SRL: variants seen among roughly 807,000 people sequenced by gnomAD.
SRL encodes sarcalumenin.
A neutral mutation model predicts 39.5 loss-of-function variants in SRL; 23 were observed. The observed-to-expected ratio is 0.58, with a 90% CI of 0.42 to 0.82. The LOEUF is 0.82. SRL is among the 40% of genes least tolerant of loss of function. The pLI is 0.00. For missense variants in SRL, 592 were observed against 607.8 expected, an observed-to-expected ratio of 0.97 and a Z score of 0.27; for synonymous variants, 272 against 237.4, an observed-to-expected ratio of 1.15 and a Z score of -1.34.
At chr16:4,213,434 A>C (rs1285611483) in intron 1 of SRL, among the ~76,000 whole-genome samples, 2 of 40,710 alleles carry the variant, frequency 4.9e-5, no homozygotes, top group Admixed American at 3.0e-4. Context: ...TTTTTTTGAG[A>C]CAGGTCTTGC....
chr16:4,226,914 G>A (rs2052597132), intron 1 of SRL, among the ~76,000 whole-genome samples: 1 of 151,512 alleles, frequency 6.6e-6, no homozygotes, highest in Non-Finnish European at 1.5e-5. Flanking sequence ...ATGGATGAAT[G>A]GATGGATGGA....
chr16:4,237,956 G>A (rs1256923895), intron 1 of SRL, among the ~76,000 whole-genome samples: 2 of 152,114 alleles, frequency 1.3e-5, no homozygotes, highest in Non-Finnish European at 2.9e-5. Context: ...ATTCAGCTAC[G>A]TGCAAGGGAG....
chr16:4,231,735 G>C (rs955811238), intron 1 of SRL, among the ~76,000 whole-genome samples: 2 of 152,188 alleles, frequency 1.3e-5, no homozygotes, highest in Non-Finnish European at 2.9e-5. Flanking sequence ...GAGGCGTGTT[G>C]ATGGATTCCC....
intron 5 of SRL, among the ~76,000 whole-genome samples, chr16:4,195,160 G>A (rs2052119076): frequency 6.6e-6 from 1 of 152,154 alleles, no homozygotes; most frequent in Non-Finnish European, 1.5e-5. Flanking sequence ...CTCCCAGAGT[G>A]CTGGGATTAC....
chr16:4,212,017 C>T (rs758041291), intron 1 of SRL, among the ~76,000 whole-genome samples: 1 of 152,212 alleles, frequency 6.6e-6, no homozygotes, highest in East Asian at 1.9e-4. Context: ...GAGGGCCACA[C>T]AGTCCCAAGG....
At chr16:4,195,832 A>C (rs1256137445) in intron 4 of SRL, 46 bp from the exon 5 acceptor site, 1 of 1,509,842 alleles carries the variant, frequency 6.6e-7, no homozygotes. Context: ...ATCTCTGTGA[A>C]ACAGATCTAC....
intron 1 of SRL, among the ~76,000 whole-genome samples, chr16:4,225,073 T>A (rs1353909260): frequency 2.0e-5 from 3 of 152,126 alleles, no homozygotes; most frequent in Non-Finnish European, 4.4e-5. Flanking sequence ...AGATTAGTGG[T>A]TGCTGGGGGA....
chr16:4,205,902 C>T (rs1393868885), intron 1 of SRL, among the ~76,000 whole-genome samples: 1 of 151,158 alleles, frequency 6.6e-6, no homozygotes, highest in Non-Finnish European at 1.5e-5. Flanking sequence ...GCTATGACTG[C>T]ACGACTGCAG....
At chr16:4,236,023 C>T (rs562817593) in intron 1 of SRL, among the ~76,000 whole-genome samples, 19 of 151,846 alleles carry the variant, frequency 1.3e-4, no homozygotes, top group Non-Finnish European at 2.4e-4. Flanking sequence ...TGCAGTGAGC[C>T]TTGATCAACC....
In SRL at chr16:4,192,553, C is replaced by T. The variant is rs1468980094; in HGVS notation, c.1022G>A (p.Arg341His). Residue 341 changes from arginine to histidine, a missense_variant, in exon 6 of 6, where the codon CGC (arginine) becomes CAC (histidine). By Grantham distance (29) the Arg-to-His change is conservative. Transcript: ENST00000399609. This position sits in a 1 kb window ranked among gnomAD's most constrained non-coding sequence, Gnocchi z 4.0. ...GCGGTCAACCAGGAGGGCGTGGATG[C>T]GGACCCGGATGGCGTGCTGGCGGAT... ...AFIRQHAIRV[R>H]IHALLVDRYL... 13 of 1,614,068 alleles carry T rather than the reference C, an allele frequency of 8.1e-6. No individual in the cohort carries two copies. Among genetic ancestry groups the T allele is most frequent in the South Asian group, 4.4e-5 (4 of 91,088 alleles).
chr16:4,223,231 CAAAA>C (rs34513855), intron 1 of SRL, among the ~76,000 whole-genome samples: 1,674 of 96,156 alleles, frequency 0.017, 33 homozygotes, highest in African/African-American at 0.053. Context: ...AACTCTGTCT[CAAAA>C]AAAAAAAAAA....
intron 1 of SRL, among the ~76,000 whole-genome samples, chr16:4,219,571 C>T (rs2052498043): frequency 6.6e-6 from 1 of 152,204 alleles, no homozygotes; most frequent in Non-Finnish European, 1.5e-5. Context: ...GATTCTCCTG[C>T]CTCAGCCTGT....
chr16:4,196,921 A>G (rs1421494013), intron 4 of SRL, among the ~76,000 whole-genome samples: 3 of 152,148 alleles, frequency 2.0e-5, no homozygotes, highest in African/African-American at 7.2e-5. Context: ...TAATTTATGT[A>G]TGAACAGACC....
intron 1 of SRL, among the ~76,000 whole-genome samples, chr16:4,238,625 T>G (rs1454465674): frequency 6.8e-6 from 1 of 146,036 alleles, no homozygotes; most frequent in Non-Finnish European, 1.5e-5. Context: ...CGGTGCCACT[T>G]TTTTTTTTTT....
chr16:4,233,561 G>T (rs776992303), intron 1 of SRL, among the ~76,000 whole-genome samples: 5 of 151,988 alleles, frequency 3.3e-5, no homozygotes, highest in East Asian at 1.9e-4. Flanking sequence ...GACTGCTGGT[G>T]GGGGGGTGTT....
intron 1 of SRL, chr16:4,206,943 G>A: frequency 2.2e-6 from 1 of 456,080 alleles, no homozygotes; most frequent in South Asian, 1.5e-5. Flanking sequence ...GGCTTCCTGG[G>A]GATCCCCACC....
Position 4,192,982 on chromosome 16 carries a change from G to A in SRL, c.611-18C>T. On this transcript the variant is annotated intron_variant, in intron 5 of 5. Transcript: ENST00000399609. This position sits in a 1 kb window ranked among gnomAD's most constrained non-coding sequence, Gnocchi z 4.0. The stretch of plus-strand genomic sequence containing the variant: ...GGGGTAGCCTTTGGGAGACAGAAGT[G>A]AGAAGTCAAACTGAGTAGGCCTCCC... 5 of 1,594,574 alleles carry A rather than the reference G, an allele frequency of 3.1e-6. No homozygotes were observed. The highest frequency in any genetic ancestry group is 4.3e-6 in the Non-Finnish European group (5 of 1,171,442).
In SRL at chr16:4,190,513, GCTT is replaced by G. The variant is rs1289719539; in HGVS notation, c.*1637_*1639del. On this transcript the variant is annotated 3_prime_UTR_variant, in exon 6 of 6. Coordinates refer to ENST00000399609, the MANE Select transcript of SRL (RefSeq NM_001098814.2). ...ATGCACATTTCACCATCCAAAGGCT[GCTT>G]CTTCCCTGCAGGTCCTGCCCCTCTG... is the stretch of plus-strand genomic sequence containing the variant. 5.0e-6 allele frequency: 2 copies of G among 398,762 alleles called. No homozygotes were observed. The highest frequency in any genetic ancestry group is 8.8e-6 in the Non-Finnish European group (2 of 226,280). 24.7% of individuals were successfully genotyped at this position (398,762 alleles called of 1,614,324 possible). A position where few individuals can be genotyped will look rare whatever the true frequency, so the allele number is the denominator to read the frequency against.
chr16:4,205,672 G>C (rs1240738553), intron 1 of SRL, among the ~76,000 whole-genome samples: 1 of 152,162 alleles, frequency 6.6e-6, no homozygotes, highest in Non-Finnish European at 1.5e-5. Context: ...GCTGCAGCTG[G>C]GGAGGCCTGG....
Sources: allele counts gnomAD v4.1 joint callset (sites outside exome capture counted in the v4.1 genomes callset), GRCh38; gene constraint gnomAD v4.1.1; non-coding constraint Gnocchi (gnomAD v3.1); transcripts MANE v1.5; gene names NCBI Gene and HGNC (gene_info 2026-07-23, HGNC 2026-07-21).